ARHGEF9: variants seen among roughly 807,000 people sequenced by gnomAD.
The protein encoded by ARHGEF9 is rho guanine nucleotide exchange factor 9.
ARHGEF9 carries 2 observed loss-of-function variants against 41.3 expected under a neutral mutation model. The observed-to-expected ratio is 0.05, with a 90% CI of 0.02 to 0.15. The LOEUF (loss-of-function observed/expected upper bound fraction) is 0.15. Ranked by LOEUF, ARHGEF9 falls within the 10% of genes least tolerant of loss-of-function variation. ARHGEF9 has a pLI of 1.00. For synonymous variants in ARHGEF9, 160 were observed against 154.4 expected, an observed-to-expected ratio of 1.04 and a Z score of -0.27; for missense variants, 225 against 424.7, an observed-to-expected ratio of 0.53 and a Z score of 4.13.
At chrX:63,728,621 A>C (rs782002451) in intron 1 of ARHGEF9, among the ~76,000 whole-genome samples, 2 of 112,313 alleles carry the variant, frequency 1.8e-5, no homozygotes, top group East Asian at 5.6e-4. Context: ...CTAACTATAC[A>C]ACCTTGGGTC....
intron 8 of ARHGEF9, among the ~76,000 whole-genome samples, chrX:63,649,866 T>TGTGTCGAGGGTTTAG (rs2048418527): frequency 9.0e-6 from 1 of 111,627 alleles, no homozygotes; most frequent in African/African-American, 3.2e-5. Context: ...CCTCGACACA[T>TGTGTCGAGGGTTTAG]ACACCCTCCC....
intron 1 of ARHGEF9, among the ~76,000 whole-genome samples, chrX:63,783,284 T>C (rs1602764400): frequency 9.2e-6 from 1 of 108,232 alleles, no homozygotes; most frequent in Non-Finnish European, 1.9e-5. Context: ...TTTTTTTTTT[T>C]TTTTTTTGAG....
intron 1 of ARHGEF9, among the ~76,000 whole-genome samples, chrX:63,738,531 G>T (rs2054754159): frequency 9.0e-6 from 1 of 111,176 alleles, no homozygotes; most frequent in East Asian, 2.8e-4. Context: ...TTGAAGAAAA[G>T]AAAGTTCCTC....
At chrX:63,755,700 TA>T in intron 1 of ARHGEF9, 1 of 293,714 alleles carries the variant, frequency 3.4e-6, no homozygotes, top group Non-Finnish European at 4.6e-6. Flanking sequence ...GGCCACTGCC[TA>T]AGAATTTACA....
chrX:63,665,861 TCAGGGAAGAAGGGG>T lies in ARHGEF9; in HGVS notation c.1077+11_1077+24del. On this transcript the variant is annotated intron_variant, in intron 7 of 9. Coordinates refer to ENST00000671741, the MANE Select transcript of ARHGEF9 (RefSeq NM_001353921.2). ...GTACCCTGTTAGGTACCCATCTCCC[TCAGGGAAGAAGGGG>T]GCAGGGTTACCTTCTTGCAGAGGAC... The T allele has an allele frequency of 8.3e-7, 1 of 1,207,320 alleles. No individual in the cohort carries two copies. Among genetic ancestry groups the T allele is most frequent in the Non-Finnish European group, 1.1e-6 (1 of 893,271 alleles).
intron 4 of ARHGEF9, among the ~76,000 whole-genome samples, chrX:63,691,595 TAATA>T (rs1177330314): frequency 3.6e-5 from 4 of 111,385 alleles, no homozygotes; most frequent in African/African-American, 9.8e-5. Flanking sequence ...AATATTAAAT[TAATA>T]TTGTTAAATT....
chrX:63,639,514 G>A (rs781835608), intron 9 of ARHGEF9: 39 of 111,612 alleles, frequency 3.5e-4, no homozygotes, highest in Non-Finnish European at 5.8e-4. Flanking sequence ...TCACAGCCAG[G>A]ATATTGACAT....
intron 1 of ARHGEF9, among the ~76,000 whole-genome samples, chrX:63,763,621 T>A (rs2056069820): frequency 9.0e-6 from 1 of 110,766 alleles, no homozygotes; most frequent in Non-Finnish European, 1.9e-5. Flanking sequence ...ACAACTTATT[T>A]AATGTCATCG....
At chrX:63,709,364 C>T (rs1364282491) in intron 2 of ARHGEF9, among the ~76,000 whole-genome samples, 1 of 112,267 alleles carries the variant, frequency 8.9e-6, no homozygotes, top group African/African-American at 3.2e-5. Flanking sequence ...TAACCACTAA[C>T]TGTGAAGGAC....
rs188915752 is a variant in ARHGEF9, at chrX:63,644,987, C to G, written c.1322-939G>C. Among the ~76,000 whole-genome samples the G allele has an allele frequency of 3.7e-5, 4 of 109,229 alleles. No individual in the cohort carries two copies. The East Asian group carries it at 1.2e-3, about 31-fold the overall frequency. The allele number at this position is 109,229 out of a possible 115,157, so 94.9% of individuals were successfully genotyped here. ...ACGAGGTCTCCCTGTGTTTACCAGG[C>G]TGGTGTTGAATTCCTGGGCTCAAAC... On this transcript the variant is annotated intron_variant, in intron 8 of 9. Transcript: ENST00000671741.
chrX:63,720,886 C>A lies in ARHGEF9; in HGVS notation c.210+3646G>T, dbSNP rs373137968. On this transcript the variant is annotated intron_variant, in intron 2 of 9. Coordinates refer to ENST00000671741, the MANE Select transcript of ARHGEF9 (RefSeq NM_001353921.2). Reference sequence around the variant, plus strand: ...CATAAAAATCCAATTCCCGGCTTTTCTTGAAATACTAGAAGATCTGGCCCC... The same window carrying A: ...CATAAAAATCCAATTCCCGGCTTTTATTGAAATACTAGAAGATCTGGCCCC... Among the ~76,000 whole-genome samples the A allele has an allele frequency of 8.0e-5, 9 of 112,151 alleles. No homozygotes were observed. In the East Asian group the frequency reaches 1.7e-3, roughly 21 times the overall value.
At chrX:63,725,123 C>G (rs2053877567) in intron 1 of ARHGEF9, 1 of 166,671 alleles carries the variant, frequency 6.0e-6, no homozygotes, top group South Asian at 1.4e-4. Flanking sequence ...TGCTCCTCCC[C>G]CTTTCCTCCT....
chrX:63,649,944 G>C (rs2048426089), intron 8 of ARHGEF9, among the ~76,000 whole-genome samples: 1 of 111,823 alleles, frequency 8.9e-6, no homozygotes, highest in South Asian at 3.7e-4. Flanking sequence ...GTCAATGAAA[G>C]AGTGGAAAGG....
At chrX:63,696,178 C>T (rs1556387926) in intron 4 of ARHGEF9, among the ~76,000 whole-genome samples, 1 of 112,114 alleles carries the variant, frequency 8.9e-6, no homozygotes, top group Non-Finnish European at 1.9e-5. Flanking sequence ...CACCCCAACA[C>T]AGAGTCTCAG....
At chrX:63,761,397 A>T (rs781982940) in intron 1 of ARHGEF9, among the ~76,000 whole-genome samples, 1 of 111,976 alleles carries the variant, frequency 8.9e-6, no homozygotes, top group East Asian at 2.8e-4. Flanking sequence ...TATCCTCAGC[A>T]CCTAAAATAG....
At chrX:63,653,284 T>A (rs782502532) in intron 8 of ARHGEF9, among the ~76,000 whole-genome samples, 15 of 111,661 alleles carry the variant, frequency 1.3e-4, no homozygotes, top group African/African-American at 3.9e-4. Flanking sequence ...ATCCTTCTCA[T>A]GAGCTTCTCT....
chrX:63,737,338 G>C (rs2054672549), intron 1 of ARHGEF9, among the ~76,000 whole-genome samples: 1 of 112,165 alleles, frequency 8.9e-6, no homozygotes, highest in Non-Finnish European at 1.9e-5. Context: ...GCGCCTCTCT[G>C]AGCCAGCTGT....
chrX:63,711,051 A>C (rs1249448398), intron 2 of ARHGEF9, among the ~76,000 whole-genome samples: 1 of 111,952 alleles, frequency 8.9e-6, no homozygotes, highest in Non-Finnish European at 1.9e-5. Context: ...TTAAATTAAG[A>C]AAATGATCAC....
chrX:63,702,415 T>C (rs1339662675), intron 3 of ARHGEF9, among the ~76,000 whole-genome samples: 2 of 112,232 alleles, frequency 1.8e-5, no homozygotes, highest in Non-Finnish European at 3.8e-5. Flanking sequence ...GAAAGAAGAA[T>C]GTAATCTGCA....
Sources: allele counts gnomAD v4.1 joint callset (sites outside exome capture counted in the v4.1 genomes callset), GRCh38; gene constraint gnomAD v4.1.1; transcripts MANE v1.5; gene names NCBI Gene and HGNC (gene_info 2026-07-23, HGNC 2026-07-21).